The following MORN5 variants were observed in gnomAD, a reference collection of about 807,000 sequenced individuals.
The protein encoded by MORN5 is MORN repeat-containing protein 5.
A neutral mutation model predicts 22.1 loss-of-function variants in MORN5; 21 were observed. The ratio of observed to expected loss-of-function variants is 0.95; its 90% CI spans 0.67 to 1.37. The LOEUF (loss-of-function observed/expected upper bound fraction) is 1.37, where lower values mean the gene tolerates loss of function less well. Among genes scored for constraint, MORN5 ranks in the 40% most tolerant of loss-of-function variants. The probability of loss-of-function intolerance (pLI) is 0.00; values close to 1 mark genes in which losing one functional copy is unlikely to be tolerated. For synonymous variants in MORN5, 73 were observed against 74.0 expected, an observed-to-expected ratio of 0.99 and a Z score of 0.07; for missense variants, 211 against 215.1, an observed-to-expected ratio of 0.98 and a Z score of 0.12.
intron 4 of MORN5, among the ~76,000 whole-genome samples, chr9:122,181,641 C>T (rs547802135): frequency 6.6e-6 from 1 of 152,214 alleles, no homozygotes; most frequent in Admixed American, 6.5e-5. Context: ...AGAGAGATGG[C>T]GTGGTGTGGT....
intron 4 of MORN5, among the ~76,000 whole-genome samples, chr9:122,179,531 C>A (rs924058748): frequency 4.6e-5 from 7 of 152,094 alleles, no homozygotes; most frequent in Admixed American, 2.6e-4. Context: ...GCTGGATGAC[C>A]CTGGGCCAAT....
At chr9:122,186,346 G>A (rs1829638742) in intron 4 of MORN5, among the ~76,000 whole-genome samples, 2 of 152,176 alleles carry the variant, frequency 1.3e-5, no homozygotes, top group Non-Finnish European at 2.9e-5. Context: ...TGACACCAGA[G>A]GCCATGCTCT....
intron 4 of MORN5, among the ~76,000 whole-genome samples, chr9:122,182,533 C>G (rs1019941794): frequency 6.6e-6 from 1 of 152,166 alleles, no homozygotes; most frequent in Non-Finnish European, 1.5e-5. Context: ...GGCAGATCAC[C>G]TGAGGTCAGG....
chr9:122,192,945 C>G (rs4837944), intron 4 of MORN5, among the ~76,000 whole-genome samples: 75,427 of 152,064 alleles, frequency 0.5, 21,499 homozygotes, highest in African/African-American at 0.77. Context: ...TTATTCACCA[C>G]GTACTTATGA....
At chr9:122,191,548 G>T (rs181194918) in intron 4 of MORN5, among the ~76,000 whole-genome samples, 2 of 152,290 alleles carry the variant, frequency 1.3e-5, no homozygotes, top group Non-Finnish European at 2.9e-5. Flanking sequence ...CGGCCATTGT[G>T]AGCTCTGCCA....
At chr9:122,175,632 T>C in intron 4 of MORN5, 1 of 940,680 alleles carries the variant, frequency 1.1e-6, no homozygotes, top group Non-Finnish European at 1.3e-6. Context: ...ACACACATTT[T>C]GCAGATAGTC....
chr9:122,170,780 G>A (rs1384719681), intron 3 of MORN5, among the ~76,000 whole-genome samples: 1 of 152,156 alleles, frequency 6.6e-6, no homozygotes, highest in East Asian at 1.9e-4. Context: ...TCTGGATTCA[G>A]AGAGTGGCAC....
chr9:122,182,513 G>A (rs980475012), intron 4 of MORN5, among the ~76,000 whole-genome samples: 1 of 152,248 alleles, frequency 6.6e-6, no homozygotes. Flanking sequence ...CACTTCGGGA[G>A]GCTGAGGCTG....
chr9:122,189,694 C>T (rs868629069), intron 4 of MORN5, among the ~76,000 whole-genome samples: 7 of 152,208 alleles, frequency 4.6e-5, no homozygotes, highest in Middle Eastern at 6.8e-3. Context: ...GCAAGCTCCA[C>T]CTCCTGGGTT....
chr9:122,187,284 G>A lies in MORN5; in HGVS notation c.440-12601G>A, dbSNP rs1685070720. 7.9e-5 allele frequency among the ~76,000 whole-genome samples: 12 copies of A among 152,210 alleles called. No individual in the cohort carries two copies. In the South Asian group the frequency reaches 2.5e-3, roughly 32 times the overall value. On this transcript the variant is annotated intron_variant, in intron 4 of 4. Coordinates refer to ENST00000373764, the MANE Select transcript of MORN5 (RefSeq NM_198469.4). ...TGTTACCATGGCAAACTGAAGTCTG[G>A]CCTCCTCCCATCTGCTTTTAATTCT...
At chr9:122,195,825 A>G (rs1829874780) in intron 4 of MORN5, among the ~76,000 whole-genome samples, 1 of 152,206 alleles carries the variant, frequency 6.6e-6, no homozygotes, top group South Asian at 2.1e-4. Flanking sequence ...GGCAGAGTAC[A>G]TAAATTACTT....
rs928001757 is a variant in MORN5 at position 122,185,563 on chromosome 9, T to G, written c.439+10936T>G. 1.6e-4 allele frequency among the ~76,000 whole-genome samples: 24 copies of G among 148,984 alleles called. 1 individual carries two copies. The highest frequency in any genetic ancestry group is 5.5e-4 in the African/African-American group (22 of 40,008). Reference sequence around the variant, plus strand: ...TTTTAGTAGAGATGGGGTTTCACCGTGTTAGCCAGGATGGTCTCGATCTCC... The same window carrying G: ...TTTTAGTAGAGATGGGGTTTCACCGGGTTAGCCAGGATGGTCTCGATCTCC... On this transcript the variant is annotated intron_variant, in intron 4 of 4. Transcript: ENST00000373764.
At position 122,185,077 on chromosome 9, in the gene MORN5, A is replaced by T. The variant is rs185783517; in HGVS notation, c.439+10450A>T. ...AGTCTTTCTTTTTTTTTTCTTTGAG[A>T]CGGAGTCTCGCTCTTTCACTCAGGC... On this transcript the variant is annotated intron_variant, in intron 4 of 4. Transcript: ENST00000373764. 1.3e-3 allele frequency among the ~76,000 whole-genome samples: 200 copies of T among 152,210 alleles called. 1 individual carries two copies. The highest frequency in any genetic ancestry group is 4.6e-3 in the African/African-American group (192 of 41,530).
At chr9:122,180,150 T>C (rs1266076296) in intron 4 of MORN5, among the ~76,000 whole-genome samples, 2 of 152,196 alleles carry the variant, frequency 1.3e-5, no homozygotes, top group Non-Finnish European at 2.9e-5. Flanking sequence ...AGGCAACATA[T>C]TCTCTCTAAC....
At chr9:122,170,381 G>T (rs1192861875) in intron 3 of MORN5, among the ~76,000 whole-genome samples, 2 of 152,122 alleles carry the variant, frequency 1.3e-5, no homozygotes, top group African/African-American at 4.8e-5. Context: ...TTCATGTCAG[G>T]TGTTTAGAAC....
chr9:122,196,803 C>T (rs1431345784), intron 4 of MORN5, among the ~76,000 whole-genome samples: 2 of 152,108 alleles, frequency 1.3e-5, no homozygotes, highest in African/African-American at 4.8e-5. Flanking sequence ...ATAGGATATA[C>T]TATGTGTACT....
intron 4 of MORN5, among the ~76,000 whole-genome samples, chr9:122,180,107 A>G (rs1272928284): frequency 6.6e-6 from 1 of 152,228 alleles, no homozygotes; most frequent in African/African-American, 2.4e-5. Flanking sequence ...TTCTTTGAAC[A>G]TCTACTGTGT....
rs1163783923 is a variant in MORN5 at position 122,174,435 on chromosome 9, G to A, written c.308-61G>A. On this transcript the variant is annotated intron_variant, in intron 3 of 4. Transcript: ENST00000373764. ...CCACCAGCCACAAGTGGACCTTATGGGAACACTGGGTTTGGATTTGGCCTT... is the reference window on the plus strand; with the variant it reads ...CCACCAGCCACAAGTGGACCTTATGAGAACACTGGGTTTGGATTTGGCCTT... 3.1e-6 allele frequency: 5 copies of A among 1,591,016 alleles called. No individual in the cohort carries two copies. In the South Asian group the frequency reaches 4.5e-5, roughly 14 times the overall value.
At chr9:122,162,005 T>C (rs1356045463) in intron 1 of MORN5, among the ~76,000 whole-genome samples, 1 of 152,240 alleles carries the variant, frequency 6.6e-6, no homozygotes, top group Non-Finnish European at 1.5e-5. Flanking sequence ...GGACATGTGT[T>C]GTTCTGTACT....
Sources: gnomAD v4.1 joint callset for allele counts (sites outside exome capture counted in the v4.1 genomes callset) on GRCh38, gnomAD v4.1.1 for gene constraint, MANE v1.5 for transcripts, NCBI Gene and HGNC (gene_info 2026-07-23, HGNC 2026-07-21) for gene names.